SCFD1: variants seen among roughly 807,000 people sequenced by gnomAD.
SCFD1 encodes the protein sec1 family domain containing 1.
SCFD1 carries 37 observed loss-of-function variants against 103.2 expected under a neutral mutation model. The ratio of observed to expected loss-of-function variants is 0.36; its 90% CI spans 0.28 to 0.47. The LOEUF (loss-of-function observed/expected upper bound fraction) is 0.47, where lower values mean the gene tolerates loss of function less well. Among genes scored for constraint, SCFD1 ranks in the 20% least tolerant of loss-of-function variants. SCFD1 has a pLI of 1.00. For synonymous variants in SCFD1, 264 were observed against 245.0 expected (o/e 1.08, Z -0.73); for missense variants, 639 against 761.2 (o/e 0.84, Z 1.89).
chr14:30,661,741 T>TAGAA (rs1240769656), intron 10 of SCFD1, among the ~76,000 whole-genome samples: 3 of 152,082 alleles, frequency 2.0e-5, no homozygotes, highest in African/African-American at 7.2e-5. Context: ...TTAGGAAGAG[T>TAGAA]AGAAATAAGT....
chr14:30,626,779 G>A (rs1883499142), intron 1 of SCFD1, among the ~76,000 whole-genome samples: 1 of 152,058 alleles, frequency 6.6e-6, no homozygotes, highest in South Asian at 2.1e-4. Context: ...CCCCACTGGA[G>A]GCAATAAGGG....
chr14:30,653,350 AAAAC>A, intron 9 of SCFD1, 135 bp from the exon 10 acceptor site: 1 of 609,306 alleles, frequency 1.6e-6, no homozygotes. Flanking sequence ...CATATACTAA[AAAAC>A]AAAGTATTAG....
At chr14:30,683,097 T>G in intron 14 of SCFD1, 1 of 1,328,776 alleles carries the variant, frequency 7.5e-7, no homozygotes, top group South Asian at 1.2e-5. Context: ...CAGATACTTC[T>G]TAAAAGCTGT....
intron 6 of SCFD1, among the ~76,000 whole-genome samples, chr14:30,641,134 A>G (rs1234030451): frequency 6.6e-6 from 1 of 152,228 alleles, no homozygotes; most frequent in Non-Finnish European, 1.5e-5. Flanking sequence ...GTCTCACTCC[A>G]GAGATAACAT....
intron 22 of SCFD1, among the ~76,000 whole-genome samples, 183 bp downstream of exon 22, chr14:30,722,100 G>C (rs957513198): frequency 6.6e-6 from 1 of 151,940 alleles, no homozygotes; most frequent in Non-Finnish European, 1.5e-5. Flanking sequence ...TAAAAATAAC[G>C]GACAATTCAC....
chr14:30,641,903 G>C (rs1566587063), intron 6 of SCFD1, among the ~76,000 whole-genome samples: 1 of 152,124 alleles, frequency 6.6e-6, no homozygotes, highest in African/African-American at 2.4e-5. Flanking sequence ...TAATAGTTTA[G>C]ACACTAATCT....
In SCFD1 at chr14:30,722,009, A is replaced by G. The variant is rs1892683537; in HGVS notation, c.1770+92A>G. On this transcript the variant is annotated intron_variant, in intron 22 of 24. Coordinates refer to ENST00000458591, the MANE Select transcript of SCFD1 (RefSeq NM_016106.4). ...TGTCTGTACCAAACATGGCTTTATG[A>G]TGATTAGTGTATGATAATTTGGCCT... The G allele has an allele frequency of 1.3e-5, 11 of 869,426 alleles. No homozygotes were observed. In the East Asian group the frequency reaches 2.3e-4, roughly 18 times the overall value. 53.9% of individuals were successfully genotyped at this position (869,426 alleles called of 1,614,324 possible). A position where few individuals can be genotyped will look rare whatever the true frequency, so the allele number is the denominator to read the frequency against.
intron 14 of SCFD1, among the ~76,000 whole-genome samples, chr14:30,683,751 C>T (rs1274746620): frequency 6.6e-6 from 1 of 152,196 alleles, no homozygotes; most frequent in African/African-American, 2.4e-5. Flanking sequence ...AGCATTGCAA[C>T]ATAGAAAGGT....
At position 30,716,092 on chromosome 14, in the gene SCFD1, G is replaced by A. The variant is rs534846737; in HGVS notation, c.1683+115G>A. The A allele has an allele frequency of 9.9e-4, 689 of 695,714 alleles. 2 individuals are homozygous for A. Among genetic ancestry groups the A allele is most frequent in the Non-Finnish European group, 1.5e-3 (609 of 395,286 alleles). 43.1% of individuals were successfully genotyped at this position (695,714 alleles called of 1,614,324 possible). On this transcript the variant is annotated intron_variant, in intron 20 of 24. Transcript: ENST00000458591. Reference sequence around the variant, plus strand: ...TGAGCTTAATCACAGCAGAATACATGAGGAAAAGGAAGAGTCCATGTTCTC... The same window carrying A: ...TGAGCTTAATCACAGCAGAATACATAAGGAAAAGGAAGAGTCCATGTTCTC...
intron 4 of SCFD1, chr14:30,635,015 G>A (rs1345664101): frequency 1.5e-5 from 7 of 455,026 alleles, no homozygotes; most frequent in Non-Finnish European, 3.1e-5. Context: ...AGGAAAAGGA[G>A]AAAAGTAGAT....
Position 30,630,499 on chromosome 14 carries a change from G to C in SCFD1, c.155G>C (p.Gly52Ala). Reference sequence around the variant, plus strand: ...TAGGTACTCATTTATGACAGATTTGGCCAAGATATAATCTCTCCTCTGCTA... The same window carrying C: ...TAGGTACTCATTTATGACAGATTTGCCCAAGATATAATCTCTCCTCTGCTA... ...VWKVLIYDRFGQDIISPLLSV... is the reference protein window; with the variant it reads ...VWKVLIYDRFAQDIISPLLSV... Residue 52 changes from glycine (G) to alanine (A), a missense_variant, in exon 3 of 25, where the codon GGC becomes GCC. By Grantham distance (60) the Gly-to-Ala change is moderately conservative. Coordinates refer to ENST00000458591, the MANE Select transcript of SCFD1 (RefSeq NM_016106.4). The C allele has an allele frequency of 6.3e-7, 1 of 1,599,272 alleles. No homozygotes were observed. The highest frequency in any genetic ancestry group is 1.7e-4 in the Middle Eastern group (1 of 6,030).
intron 14 of SCFD1, among the ~76,000 whole-genome samples, chr14:30,680,906 C>T (rs1056452695): frequency 8.5e-5 from 13 of 152,212 alleles, no homozygotes; most frequent in African/African-American, 2.9e-4. Context: ...TTGGATTTAA[C>T]TTGCTGTTCT....
In SCFD1 at chr14:30,639,825, G is replaced by A. The variant is rs372172476; in HGVS notation, c.484G>A (p.Val162Ile). 48 of 1,580,396 alleles carry A rather than the reference G, an allele frequency of 3.0e-5. No homozygotes were observed. Among genetic ancestry groups the A allele is most frequent in the Non-Finnish European group, 4.0e-5 (47 of 1,163,762 alleles). Residue 162 changes from valine to isoleucine, a missense_variant, in exon 6 of 25, where the codon GTA (valine) becomes ATA (isoleucine). By Grantham distance (29) the Val-to-Ile change is conservative (BLOSUM62 3). Transcript: ENST00000458591. Reference protein sequence around the residue: ...NFITLEDDMFVLCNQNKELVS... With the variant: ...NFITLEDDMFILCNQNKELVS... ...TATTACTTTGGAAGATGATATGTTT[G>A]TATTATGTAATCAAAATAAGGAGCT...
chr14:30,664,682 G>A (rs981361493), intron 10 of SCFD1, among the ~76,000 whole-genome samples: 9 of 152,138 alleles, frequency 5.9e-5, no homozygotes, highest in Non-Finnish European at 1.3e-4. Context: ...AGAATAAACA[G>A]TGTAAAGAAG....
intron 10 of SCFD1, among the ~76,000 whole-genome samples, chr14:30,661,119 A>G (rs1887409886): frequency 6.6e-6 from 1 of 152,104 alleles, no homozygotes; most frequent in African/African-American, 2.4e-5. Context: ...TAAAGAACCC[A>G]TTTTTTTAAT....
At chr14:30,640,717 C>T (rs1205295333) in intron 6 of SCFD1, among the ~76,000 whole-genome samples, 1 of 151,720 alleles carries the variant, frequency 6.6e-6, no homozygotes, top group Non-Finnish European at 1.5e-5. Flanking sequence ...ATATACCAGA[C>T]CAGACAAGTT....
At chr14:30,711,034 A>C (rs796441642) in intron 19 of SCFD1, among the ~76,000 whole-genome samples, 9 of 152,228 alleles carry the variant, frequency 5.9e-5, no homozygotes, top group African/African-American at 2.2e-4. Flanking sequence ...ATCAACTATC[A>C]CATAAAACCA....
intron 10 of SCFD1, among the ~76,000 whole-genome samples, chr14:30,660,370 T>C (rs230347): frequency 0.012 from 1,766 of 152,310 alleles, 33 homozygotes; most frequent in African/African-American, 0.04. Flanking sequence ...CTAGCAGTGT[T>C]CTTTAGTTTC....
At chr14:30,662,674 TA>T (rs1887552394) in intron 10 of SCFD1, among the ~76,000 whole-genome samples, 1 of 152,198 alleles carries the variant, frequency 6.6e-6, no homozygotes, top group Non-Finnish European at 1.5e-5. Flanking sequence ...CTTGCCAAAA[TA>T]AAAGATATTT....
Sources: allele counts gnomAD v4.1 joint callset (sites outside exome capture counted in the v4.1 genomes callset), GRCh38; gene constraint gnomAD v4.1.1; transcripts MANE v1.5; gene names NCBI Gene and HGNC (gene_info 2026-07-23, HGNC 2026-07-21).